CDRT4: variants seen among roughly 807,000 people sequenced by gnomAD.
The protein encoded by CDRT4 is CMT1A duplicated region transcript 4 protein.
For synonymous variants in CDRT4, 64 were observed against 69.6 expected, an observed-to-expected ratio of 0.92 and a Z score of 0.40; for missense variants, 167 against 193.1, an observed-to-expected ratio of 0.87 and a Z score of 0.80.
intron 2 of CDRT4, among the ~76,000 whole-genome samples, chr17:15,441,680 T>C (rs1451313192): frequency 1.3e-5 from 2 of 152,208 alleles, no homozygotes; most frequent in African/African-American, 4.8e-5. Context: ...ATTCACACAT[T>C]CCAGCATTTT....
rs111385562 is a variant in CDRT4 at position 15,445,750 on chromosome 17, A to G, written c.-47-5465T>C. ...AAGAAAAAGCTCCACTGGAAACAAG[A>G]CCTGTGTTCACTCTGTTCAGCCTCT... On this transcript the variant is annotated intron_variant, in intron 2 of 3. Coordinates refer to ENST00000619038, the MANE Select transcript of CDRT4 (RefSeq NM_001204477.2). Among the ~76,000 whole-genome samples, 972 of 152,120 alleles carry G rather than the reference A, an allele frequency of 6.4e-3. 9 individuals are homozygous for G. Among genetic ancestry groups the G allele is most frequent in the African/African-American group, 0.022 (915 of 41,472 alleles).
rs1978534675 is a variant in CDRT4 at position 15,437,257 on chromosome 17, C to T, written c.*516G>A. ...TTGAGTGGCATCCCCACTCCCCCAC[C>T]TCAGAAGTCTGAGATTCAGCCCCAT... is the stretch of plus-strand genomic sequence containing the variant. On this transcript the variant is annotated 3_prime_UTR_variant, in exon 4 of 4. Coordinates refer to ENST00000619038, the MANE Select transcript of CDRT4 (RefSeq NM_001204477.2). 6.1e-6 allele frequency: 1 copy of T among 164,472 alleles called. No individual in the cohort carries two copies. The highest frequency in any genetic ancestry group is 5.7e-5 in the Admixed American group (1 of 17,626). 10.2% of individuals were successfully genotyped at this position (164,472 alleles called of 1,614,324 possible).
At chr17:15,440,132 CT>C in intron 3 of CDRT4, 75 bp downstream of exon 3, 1 of 1,452,584 alleles carries the variant, frequency 6.9e-7, no homozygotes, top group Non-Finnish European at 9.3e-7. Flanking sequence ...GCCCAGTGGC[CT>C]CTTCCCACTG....
At chr17:15,454,507 T>C (rs567003497) in intron 1 of CDRT4, among the ~76,000 whole-genome samples, 46 of 152,264 alleles carry the variant, frequency 3.0e-4, no homozygotes, top group South Asian at 6.2e-4. Flanking sequence ...TGCATACACA[T>C]ACAGGCACAC....
chr17:15,457,241 A>G (rs1176732905), intron 1 of CDRT4, among the ~76,000 whole-genome samples: 1 of 152,190 alleles, frequency 6.6e-6, no homozygotes, highest in Non-Finnish European at 1.5e-5. Flanking sequence ...CCACCAAATG[A>G]ATTCCTTATG....
rs1025073044 is a variant in CDRT4 at position 15,464,544 on chromosome 17, GGT to G, written c.-130+2914_-130+2915del. Among the ~76,000 whole-genome samples the G allele has an allele frequency of 1.3e-5, 2 of 151,970 alleles. No individual in the cohort carries two copies. The highest frequency in any genetic ancestry group is 4.8e-5 in the African/African-American group (2 of 41,320). Reference sequence around the variant, plus strand: ...CTGAGAGCTGGGTAACAAGTCCTGGGGTGGGGTTTCTGTGTCCTTTCCTGTGC... The same window carrying G: ...CTGAGAGCTGGGTAACAAGTCCTGGGGGGGTTTCTGTGTCCTTTCCTGTGC... On this transcript the variant is annotated intron_variant, in intron 1 of 3. Transcript: ENST00000619038. This position sits in a 1 kb window ranked among gnomAD's most constrained non-coding sequence, Gnocchi z 4.5.
intron 2 of CDRT4, among the ~76,000 whole-genome samples, chr17:15,451,179 A>T (rs1411478209): frequency 1.3e-5 from 2 of 152,138 alleles, no homozygotes; most frequent in Non-Finnish European, 2.9e-5. Context: ...AAGTCTTACA[A>T]GATCTGATGG....
At chr17:15,442,485 AAT>A (rs1254320753) in intron 2 of CDRT4, among the ~76,000 whole-genome samples, 1 of 152,162 alleles carries the variant, frequency 6.6e-6, no homozygotes, top group African/African-American at 2.4e-5. Flanking sequence ...AGATGGTGGA[AAT>A]ATGTTTCAGC....
At chr17:15,442,038 CGCA>C in intron 2 of CDRT4, among the ~76,000 whole-genome samples, 1 of 152,264 alleles carries the variant, frequency 6.6e-6, no homozygotes, top group African/African-American at 2.4e-5. Context: ...GCACATGACA[CGCA>C]AGTGGCCACC....
chr17:15,457,939 G>A (rs748593104), intron 1 of CDRT4, among the ~76,000 whole-genome samples: 32 of 152,230 alleles, frequency 2.1e-4, no homozygotes, highest in Non-Finnish European at 4.3e-4. Context: ...AAAGGCCGCT[G>A]AACTTGTGAA....
Position 15,458,456 on chromosome 17 carries a change from G to T in CDRT4, c.-129-5371C>A, listed in dbSNP as rs74605266. 4.8e-3 allele frequency among the ~76,000 whole-genome samples: 731 copies of T among 152,184 alleles called. 4 individuals are homozygous for T. The highest frequency in any genetic ancestry group is 0.017 in the African/African-American group (692 of 41,522). ...AGGAACGTTCAAGGAGAAGAATGAA[G>T]AGAGTCCAAAGATGACCACTTGGCC... On this transcript the variant is annotated intron_variant, in intron 1 of 3. Transcript: ENST00000619038.
chr17:15,449,561 T>C (rs1214915261), intron 2 of CDRT4, among the ~76,000 whole-genome samples: 6 of 152,200 alleles, frequency 3.9e-5, no homozygotes, highest in Non-Finnish European at 7.3e-5. Flanking sequence ...CTTTTTTTAA[T>C]ATTATATTTA....
Position 15,463,570 on chromosome 17 carries a change from A to T in CDRT4, c.-130+3890T>A, listed in dbSNP as rs113108651. The stretch of plus-strand genomic sequence containing the variant: ...AAATTCTTGGTGTCCGGTTTCAGCT[A>T]GGCACTCACTGTAACTTGGCCAAAT... On this transcript the variant is annotated intron_variant, in intron 1 of 3. Transcript: ENST00000619038. 2.5e-3 allele frequency among the ~76,000 whole-genome samples: 383 copies of T among 152,322 alleles called. 3 individuals are homozygous for T. Among genetic ancestry groups the T allele is most frequent in the African/African-American group, 8.8e-3 (364 of 41,570 alleles).
chr17:15,456,996 CG>C, intron 1 of CDRT4, among the ~76,000 whole-genome samples: 1 of 152,126 alleles, frequency 6.6e-6, no homozygotes, highest in East Asian at 1.9e-4. Context: ...GATGGGATTA[CG>C]CACTGCTCAG....
At chr17:15,458,916 G>A (rs1979612095) in intron 1 of CDRT4, among the ~76,000 whole-genome samples, 1 of 152,116 alleles carries the variant, frequency 6.6e-6, no homozygotes, top group Admixed American at 6.5e-5. Flanking sequence ...CTGCAGGCTG[G>A]GCCCAGCAAT....
chr17:15,441,610 G>A (rs1978765510), intron 2 of CDRT4, among the ~76,000 whole-genome samples: 2 of 151,982 alleles, frequency 1.3e-5, no homozygotes, highest in African/African-American at 4.8e-5. Flanking sequence ...TTGTGGAATG[G>A]TAGTGAGTGT....
chr17:15,456,329 G>A (rs1050469670), intron 1 of CDRT4, among the ~76,000 whole-genome samples: 18 of 152,128 alleles, frequency 1.2e-4, no homozygotes, highest in Non-Finnish European at 2.2e-4. Context: ...GCTCAGAGAT[G>A]GAGTTAGGGT....
At chr17:15,465,820 C>T (rs1460635232) in intron 1 of CDRT4, among the ~76,000 whole-genome samples, 1 of 150,710 alleles carries the variant, frequency 6.6e-6, no homozygotes, top group Non-Finnish European at 1.5e-5. Context: ...GGAGCCTGGC[C>T]ATCCACCGTG....
rs780450074 is a variant in CDRT4, at chr17:15,442,413, G to GA, written c.-47-2129dup. Reference sequence around the variant, plus strand: ...CAAAGGAGTGAGACTCCGTCTCCAAGAAAAAAAAAAAAAAGAAAGAAAGAA... The same window carrying GA: ...CAAAGGAGTGAGACTCCGTCTCCAAGAAAAAAAAAAAAAAAGAAAGAAAGAA... On this transcript the variant is annotated intron_variant, in intron 2 of 3. Transcript: ENST00000619038. 8.4e-3 allele frequency among the ~76,000 whole-genome samples: 919 copies of GA among 109,930 alleles called. 5 individuals carry two copies. Among genetic ancestry groups the GA allele is most frequent in the African/African-American group, 0.026 (751 of 29,172 alleles). The allele number at this position is 109,930 out of a possible 152,430, so 72.1% of individuals were successfully genotyped here. A position where few individuals can be genotyped will look rare whatever the true frequency, so the allele number is the denominator to read the frequency against.
Sources: gnomAD v4.1 joint callset for allele counts (sites outside exome capture counted in the v4.1 genomes callset) on GRCh38, gnomAD v4.1.1 for gene constraint, Gnocchi (gnomAD v3.1) non-coding constraint, MANE v1.5 for transcripts, NCBI Gene and HGNC (gene_info 2026-07-23, HGNC 2026-07-21) for gene names.